BNC2: variants seen among roughly 807,000 people sequenced by gnomAD.
BNC2 encodes the protein basonuclin zinc finger protein 2, also known as zinc finger protein basonuclin-2.
BNC2 carries 20 observed loss-of-function variants against 76.3 expected under a neutral mutation model. The ratio of observed to expected loss-of-function variants is 0.26; its 90% CI spans 0.18 to 0.38. BNC2 has a LOEUF of 0.38. Ranked by LOEUF, BNC2 falls within the 10% of genes least tolerant of loss-of-function variation. The probability of loss-of-function intolerance (pLI) is 1.00; values close to 1 mark genes in which losing one functional copy is unlikely to be tolerated. For missense variants in BNC2, 1,382 were observed against 1,399.8 expected (o/e 0.99, Z 0.20); for synonymous variants, 582 against 514.8 (o/e 1.13, Z -1.77).
chr9:16,716,617 A>G (rs1209307840), intron 3 of BNC2, among the ~76,000 whole-genome samples: 1 of 152,192 alleles, frequency 6.6e-6, no homozygotes, highest in African/African-American at 2.4e-5. Context: ...CATTTCATCC[A>G]ACTATATTAA....
intron 3 of BNC2, chr9:16,685,619 C>G: frequency 7.7e-7 from 1 of 1,304,274 alleles, no homozygotes; most frequent in South Asian, 1.2e-5. Context: ...CCAGTACATG[C>G]CAATGGAACC....
At chr9:16,552,458 TG>T in intron 5 of BNC2, 71 bp downstream of exon 5, 1 of 1,307,842 alleles carries the variant, frequency 7.6e-7, no homozygotes, top group African/African-American at 1.5e-5. Flanking sequence ...CTGCGAGGTT[TG>T]TCAAGGACTC....
chr9:16,752,615 G>A (rs1225775678), intron 1 of BNC2, among the ~76,000 whole-genome samples: 1 of 99,840 alleles, frequency 1.0e-5, no homozygotes, highest in Non-Finnish European at 3.1e-5. Flanking sequence ...CAAATTGCTA[G>A]ATTTTTTTAA....
At chr9:16,498,174 CAT>C (rs1213252269) in intron 5 of BNC2, among the ~76,000 whole-genome samples, 1 of 122,844 alleles carries the variant, frequency 8.1e-6, no homozygotes, top group Non-Finnish European at 1.6e-5. Flanking sequence ...TATATTCTAT[CAT>C]ATATATATTC....
chr9:16,504,900 G>C (rs1822594034), intron 5 of BNC2, among the ~76,000 whole-genome samples: 1 of 152,150 alleles, frequency 6.6e-6, no homozygotes, highest in Non-Finnish European at 1.5e-5. Flanking sequence ...ACCATGTAAT[G>C]GTTACAAGAA....
Position 16,835,903 on chromosome 9 carries a change from T to C in BNC2, c.3+34743A>G, listed in dbSNP as rs370445345. 1.1e-4 allele frequency among the ~76,000 whole-genome samples: 16 copies of C among 152,194 alleles called. No individual in the cohort carries two copies. In the East Asian group the frequency reaches 1.9e-3, roughly 18 times the overall value. On this transcript the variant is annotated intron_variant, in intron 1 of 6. Transcript: ENST00000380672. ...AGACTTACCAGTTTGAGACTTGCTC[T>C]AATAGGATAAATCTTTCAACTGCAG...
intron 1 of BNC2, among the ~76,000 whole-genome samples, chr9:16,818,993 C>G (rs954409846): frequency 8.5e-5 from 13 of 152,134 alleles, no homozygotes; most frequent in African/African-American, 3.1e-4. Flanking sequence ...AAAAAAGTCC[C>G]TTCATCTCTT....
At chr9:16,799,763 C>G (rs1817737884) in intron 1 of BNC2, among the ~76,000 whole-genome samples, 1 of 152,150 alleles carries the variant, frequency 6.6e-6, no homozygotes, top group Non-Finnish European at 1.5e-5. Flanking sequence ...TACTGGAACA[C>G]CCACAAAACC....
chr9:16,824,754 A>G (rs1047876556), intron 1 of BNC2, among the ~76,000 whole-genome samples: 1 of 152,206 alleles, frequency 6.6e-6, no homozygotes, highest in African/African-American at 2.4e-5. Flanking sequence ...AACCTGTTTC[A>G]GGGGTTGCCA....
chr9:16,676,878 G>A (rs983989964), intron 3 of BNC2, among the ~76,000 whole-genome samples: 1 of 152,198 alleles, frequency 6.6e-6, no homozygotes, highest in Non-Finnish European at 1.5e-5. Flanking sequence ...ACAAGTCACT[G>A]TTGAAGATAT....
intron 1 of BNC2, among the ~76,000 whole-genome samples, chr9:16,808,275 A>G (rs934873963): frequency 1.3e-5 from 2 of 152,044 alleles, no homozygotes; most frequent in African/African-American, 4.8e-5. Context: ...ATTACCCACC[A>G]TTTTCATTAT....
At chr9:16,483,030 A>G (rs753901161) in intron 5 of BNC2, among the ~76,000 whole-genome samples, 21 of 152,324 alleles carry the variant, frequency 1.4e-4, no homozygotes, top group Admixed American at 3.3e-4. Context: ...CACATCCAAC[A>G]GCATGTAAAA....
intron 5 of BNC2, among the ~76,000 whole-genome samples, chr9:16,479,264 GA>G (rs1226599580): frequency 9.2e-6 from 1 of 108,718 alleles, no homozygotes; most frequent in Non-Finnish European, 1.8e-5. Context: ...AAAAAAAAAA[GA>G]AAAGAAAAGA....
intron 3 of BNC2, among the ~76,000 whole-genome samples, chr9:16,603,940 A>G (rs999782937): frequency 4.6e-5 from 7 of 152,122 alleles, no homozygotes; most frequent in Non-Finnish European, 7.4e-5. Flanking sequence ...TTTCATATAA[A>G]TTGTCCATTT....
chr9:16,575,462 A>G (rs747519918), intron 4 of BNC2: 4 of 985,026 alleles, frequency 4.1e-6, no homozygotes, highest in Non-Finnish European at 4.8e-6. Flanking sequence ...CAGGACTTTG[A>G]AGGGGAGGCA....
At chr9:16,855,540 C>CT (rs1302077610) in intron 1 of BNC2, among the ~76,000 whole-genome samples, 2 of 151,992 alleles carry the variant, frequency 1.3e-5, no homozygotes, top group African/African-American at 4.8e-5. Flanking sequence ...TTAAAAGCAT[C>CT]TTTTTTTTGT....
In BNC2 at chr9:16,471,892, C is replaced by T. The variant is rs7853821; in HGVS notation, c.670-34368G>A. 5.2e-3 allele frequency among the ~76,000 whole-genome samples: 788 copies of T among 152,168 alleles called. 4 individuals are homozygous for T. The highest frequency in any genetic ancestry group is 0.017 in the Middle Eastern group (5 of 294). The stretch of plus-strand genomic sequence containing the variant: ...CTGAATCATGGGGGCGGGTCTTTGC[C>T]GTGCTATTCTTGCAATAGTGAATAA... On this transcript the variant is annotated intron_variant, in intron 5 of 6. Transcript: ENST00000380672.
intron 3 of BNC2, among the ~76,000 whole-genome samples, chr9:16,620,943 A>G (rs1178150232): frequency 6.6e-6 from 1 of 152,178 alleles, no homozygotes; most frequent in East Asian, 1.9e-4. Flanking sequence ...TAAGGCAGGG[A>G]AACCTCGACT....
chr9:16,607,496 A>G (rs1163364743), intron 3 of BNC2, among the ~76,000 whole-genome samples: 1 of 152,206 alleles, frequency 6.6e-6, no homozygotes, highest in Admixed American at 6.5e-5. Flanking sequence ...GAGTTTTGAT[A>G]ACGGCTACAC....
Sources: allele counts gnomAD v4.1 joint callset (sites outside exome capture counted in the v4.1 genomes callset), GRCh38; gene constraint gnomAD v4.1.1; transcripts MANE v1.5; gene names NCBI Gene and HGNC (gene_info 2026-07-23, HGNC 2026-07-21).